Variants in SYN3 observed in about 807,000 individuals in gnomAD.
SYN3 encodes synapsin-3.
Under a neutral mutation model 65.8 loss-of-function variants are expected in SYN3, and 35 were observed. The observed-to-expected ratio is 0.53, with a 90% CI of 0.41 to 0.70. SYN3 has a LOEUF of 0.70. Ranked by LOEUF, SYN3 falls within the 30% of genes least tolerant of loss-of-function variation. The pLI is 0.00. For missense variants in SYN3, 680 were observed against 749.0 expected (o/e 0.91, Z 1.08); for synonymous variants, 270 against 292.9 (o/e 0.92, Z 0.80).
chr22:32,662,431 C>T (rs2147010938), intron 6 of SYN3, among the ~76,000 whole-genome samples: 1 of 152,306 alleles, frequency 6.6e-6, no homozygotes, highest in East Asian at 1.9e-4. Flanking sequence ...TCATTTCCCT[C>T]CATAGCTCTT....
intron 1 of SYN3, among the ~76,000 whole-genome samples, chr22:33,056,103 T>A: frequency 6.6e-6 from 1 of 152,156 alleles, no homozygotes; most frequent in Non-Finnish European, 1.5e-5. Flanking sequence ...AGTACCTAAG[T>A]TGGAGTATTA....
intron 6 of SYN3, among the ~76,000 whole-genome samples, chr22:32,682,302 G>A (rs1263915163): frequency 2.6e-5 from 4 of 152,210 alleles, no homozygotes; most frequent in African/African-American, 9.6e-5. Context: ...CAATCGTGTA[G>A]AGACTGAGAG....
At chr22:32,574,317 C>T (rs2058822254) in intron 7 of SYN3, among the ~76,000 whole-genome samples, 2 of 151,868 alleles carry the variant, frequency 1.3e-5, no homozygotes, top group Non-Finnish European at 2.9e-5. Context: ...CTGTCTCTAA[C>T]AAAATAAAAA....
chr22:32,796,706 G>A (rs2046435809), intron 6 of SYN3, among the ~76,000 whole-genome samples: 1 of 152,112 alleles, frequency 6.6e-6, no homozygotes. Flanking sequence ...GTGGGGCTTG[G>A]GGGAAGGCAT....
chr22:33,043,247 G>A (rs1569420739), intron 1 of SYN3, among the ~76,000 whole-genome samples: 1 of 152,168 alleles, frequency 6.6e-6, no homozygotes, highest in Non-Finnish European at 1.5e-5. Context: ...GCGGCATACT[G>A]TTTAAAAGCA....
intron 3 of SYN3, among the ~76,000 whole-genome samples, chr22:32,935,393 A>G (rs772648164): frequency 1.1e-4 from 17 of 151,710 alleles, no homozygotes; most frequent in Non-Finnish European, 1.9e-4. Flanking sequence ...AATATTCTGC[A>G]TGAGCTAACC....
At chr22:32,813,374 C>T (rs1205715321) in intron 6 of SYN3, among the ~76,000 whole-genome samples, 2 of 152,054 alleles carry the variant, frequency 1.3e-5, no homozygotes, top group African/African-American at 4.8e-5. Context: ...CTGGAGGGGA[C>T]AGCTGCTGTC....
At chr22:32,746,533 G>A (rs909689367) in intron 6 of SYN3, among the ~76,000 whole-genome samples, 113 of 152,284 alleles carry the variant, frequency 7.4e-4, no homozygotes, top group African/African-American at 2.6e-3. Flanking sequence ...TTCACCATGG[G>A]ATGAAGGCTT....
intron 6 of SYN3, among the ~76,000 whole-genome samples, chr22:32,714,234 A>G (rs1404218226): frequency 1.3e-5 from 2 of 152,226 alleles, no homozygotes; most frequent in Non-Finnish European, 2.9e-5. Context: ...TGGAAAGGGC[A>G]TTGTACAGGA....
chr22:32,654,428 T>C (rs1569128610), intron 6 of SYN3, among the ~76,000 whole-genome samples: 1 of 152,234 alleles, frequency 6.6e-6, no homozygotes, highest in Non-Finnish European at 1.5e-5. Context: ...GTTCCTTGGC[T>C]CTGCCTCCAA....
At chr22:32,781,211 C>T (rs978183363) in intron 6 of SYN3, among the ~76,000 whole-genome samples, 3 of 151,956 alleles carry the variant, frequency 2.0e-5, no homozygotes, top group African/African-American at 7.3e-5. Flanking sequence ...TCCAAGGTTC[C>T]ACAGACAGAA....
rs939630010 is a variant in SYN3 at position 33,021,789 on chromosome 22, T to A, written c.-162-14965A>T. Among the ~76,000 whole-genome samples, 28 of 149,618 alleles carry A rather than the reference T, an allele frequency of 1.9e-4. 1 individual carries two copies. Among genetic ancestry groups the A allele is most frequent in the African/African-American group, 5.2e-4 (21 of 40,404 alleles). ...TAAACTATATACTGTAACTTATTTT[T>A]TTTTTTTTTTTGCTTATTCTTCATT... On this transcript the variant is annotated intron_variant, in intron 1 of 13. Coordinates refer to ENST00000358763, the MANE Select transcript of SYN3 (RefSeq NM_003490.4).
chr22:32,772,760 C>T (rs1455725959), intron 6 of SYN3, among the ~76,000 whole-genome samples: 1 of 152,124 alleles, frequency 6.6e-6, no homozygotes, highest in African/African-American at 2.4e-5. Context: ...TCCGGGAATA[C>T]TTGCAGCCAG....
intron 3 of SYN3, among the ~76,000 whole-genome samples, chr22:32,966,866 T>C (rs941427457): frequency 2.0e-5 from 3 of 152,002 alleles, no homozygotes; most frequent in Non-Finnish European, 4.4e-5. Flanking sequence ...CAGTGAGCCA[T>C]GACTACACCA....
At chr22:32,546,061 T>C (rs1293772810) in intron 7 of SYN3, among the ~76,000 whole-genome samples, 1 of 152,164 alleles carries the variant, frequency 6.6e-6, no homozygotes, top group African/African-American at 2.4e-5. Flanking sequence ...ACTTGAGTAG[T>C]TGGGACTACA....
rs140423886 is a variant in SYN3 at position 32,992,456 on chromosome 22, G to C, written c.312-11754C>G. Reference sequence around the variant, plus strand: ...CCACTGGTTCCAGTTCTACCAGGTGGGAGCGTCATGAAACAAGTCCTCTAG... The same window carrying C: ...CCACTGGTTCCAGTTCTACCAGGTGCGAGCGTCATGAAACAAGTCCTCTAG... On this transcript the variant is annotated intron_variant, in intron 2 of 13. Transcript: ENST00000358763. Among the ~76,000 whole-genome samples the C allele has an allele frequency of 2.4e-4, 37 of 152,264 alleles. No individual in the cohort carries two copies. The East Asian group carries it at 5.4e-3, about 22-fold the overall frequency.
chr22:32,978,684 C>T (rs962123363), intron 3 of SYN3, among the ~76,000 whole-genome samples: 1 of 152,156 alleles, frequency 6.6e-6, no homozygotes, highest in Non-Finnish European at 1.5e-5. Flanking sequence ...CTGGCTTCTA[C>T]CTGTAAGTTC....
intron 6 of SYN3, among the ~76,000 whole-genome samples, chr22:32,778,119 A>G (rs988903445): frequency 6.6e-6 from 1 of 152,216 alleles, no homozygotes; most frequent in Non-Finnish European, 1.5e-5. Context: ...ATGGTTTGAT[A>G]AACAACATCT....
At chr22:32,761,383 C>T (rs1286370267) in intron 6 of SYN3, among the ~76,000 whole-genome samples, 3 of 152,138 alleles carry the variant, frequency 2.0e-5, no homozygotes, top group Middle Eastern at 3.2e-3. Context: ...GCGTGAGTCA[C>T]GAGAAGGGGT....
Sources: allele counts gnomAD v4.1 joint callset (sites outside exome capture counted in the v4.1 genomes callset), GRCh38; gene constraint gnomAD v4.1.1; transcripts MANE v1.5; gene names NCBI Gene and HGNC (gene_info 2026-07-23, HGNC 2026-07-21).